DCC: variants seen among roughly 807,000 people sequenced by gnomAD.
DCC encodes the protein DCC netrin 1 receptor.
Under a neutral mutation model 172.5 loss-of-function variants are expected in DCC, and 58 were observed. The observed-to-expected ratio is 0.34, with a 90% CI of 0.27 to 0.42. DCC has a LOEUF of 0.42. Ranked by LOEUF, DCC falls within the 10% of genes least tolerant of loss-of-function variation. The pLI is 1.00. For missense variants in DCC, 1,740 were observed against 1,791.0 expected, an observed-to-expected ratio of 0.97 and a Z score of 0.51; for synonymous variants, 709 against 644.5, an observed-to-expected ratio of 1.10 and a Z score of -1.52.
At chr18:53,176,860 C>T in intron 8 of DCC, among the ~76,000 whole-genome samples, 1 of 151,690 alleles carries the variant, frequency 6.6e-6, no homozygotes, top group East Asian at 1.9e-4. Context: ...AATCATTCTG[C>T]TATAAAGACA....
chr18:52,345,114 G>A (rs1361421036), intron 1 of DCC, among the ~76,000 whole-genome samples: 1 of 152,132 alleles, frequency 6.6e-6, no homozygotes, highest in Non-Finnish European at 1.5e-5. Context: ...TTGCTACCCA[G>A]CTATACATTT....
intron 1 of DCC, among the ~76,000 whole-genome samples, chr18:52,386,760 TG>T (rs1192850273): frequency 6.6e-6 from 1 of 152,100 alleles, no homozygotes; most frequent in African/African-American, 2.4e-5. Context: ...GGTGCTGTTT[TG>T]TTTCCCATAT....
intron 15 of DCC, among the ~76,000 whole-genome samples, chr18:53,358,998 G>A (rs1051626652): frequency 1.3e-5 from 2 of 152,216 alleles, no homozygotes; most frequent in Non-Finnish European, 2.9e-5. Context: ...GAAATGTTGG[G>A]TGGAGAATTT....
chr18:53,505,025 C>G (rs2046154210), intron 27 of DCC, among the ~76,000 whole-genome samples: 1 of 152,068 alleles, frequency 6.6e-6, no homozygotes, highest in Admixed American at 6.5e-5. Flanking sequence ...TTTTCCCCCC[C>G]TAAAAGGGGT....
At chr18:53,367,285 T>C (rs948802579) in intron 15 of DCC, among the ~76,000 whole-genome samples, 2 of 152,006 alleles carry the variant, frequency 1.3e-5, no homozygotes, top group East Asian at 3.9e-4. Context: ...AAAATGAGTA[T>C]AGCCCTCTCA....
At chr18:53,369,093 TAA>T (rs2058034125) in intron 15 of DCC, among the ~76,000 whole-genome samples, 1 of 152,014 alleles carries the variant, frequency 6.6e-6, no homozygotes, top group Non-Finnish European at 1.5e-5. Flanking sequence ...TCTATATATT[TAA>T]AGTCTTTAAT....
chr18:52,428,672 A>G (rs993407047), intron 1 of DCC, among the ~76,000 whole-genome samples: 1 of 152,140 alleles, frequency 6.6e-6, no homozygotes, highest in Non-Finnish European at 1.5e-5. Flanking sequence ...TAAACTTGGT[A>G]CTAGGCATTT....
intron 1 of DCC, among the ~76,000 whole-genome samples, chr18:52,605,252 T>A (rs530182187): frequency 1.3e-5 from 2 of 152,256 alleles, no homozygotes; most frequent in East Asian, 3.9e-4. Context: ...GTTCTTAATA[T>A]AATATTTTTA....
At position 52,540,597 on chromosome 18, in the gene DCC, C is replaced by CTTTTTTTTTTT. The variant is rs71175505; in HGVS notation, c.91+199736_91+199746dup. ...ACTACCGTTAGGTGTATTCAACTGC[C>CTTTTTTTTTTT]TTTTTTTTTTTTTTTTTTTTTTTTT... On this transcript the variant is annotated intron_variant, in intron 1 of 28. Coordinates refer to ENST00000442544, the MANE Select transcript of DCC (RefSeq NM_005215.4). Among the ~76,000 whole-genome samples, 6 of 67,488 alleles carry CTTTTTTTTTTT rather than the reference C, an allele frequency of 8.9e-5. 2 individuals are homozygous for CTTTTTTTTTTT. Among genetic ancestry groups the CTTTTTTTTTTT allele is most frequent in the African/African-American group, 2.7e-4 (4 of 14,660 alleles). 44.3% of individuals were successfully genotyped at this position (67,488 alleles called of 152,430 possible). A position where few individuals can be genotyped will look rare whatever the true frequency, so the allele number is the denominator to read the frequency against.
intron 1 of DCC, among the ~76,000 whole-genome samples, chr18:52,358,336 G>T (rs552657241): frequency 6.6e-6 from 1 of 152,270 alleles, no homozygotes; most frequent in South Asian, 2.1e-4. Context: ...TGAGCTCAGG[G>T]GATGATCTGG....
intron 1 of DCC, among the ~76,000 whole-genome samples, chr18:52,683,171 T>C (rs2035776431): frequency 6.6e-6 from 1 of 152,076 alleles, no homozygotes; most frequent in Admixed American, 6.6e-5. Context: ...CAAGTCTTTG[T>C]CTGTTTGACC....
At chr18:53,057,986 C>G (rs1599079848) in intron 5 of DCC, among the ~76,000 whole-genome samples, 1 of 151,952 alleles carries the variant, frequency 6.6e-6, no homozygotes, top group Non-Finnish European at 1.5e-5. Flanking sequence ...AAGCTACTCT[C>G]AGCTTCATGG....
chr18:52,501,908 C>T (rs16955094), intron 1 of DCC, among the ~76,000 whole-genome samples: 8,708 of 152,196 alleles, frequency 0.057, 305 homozygotes, highest in South Asian at 0.12. Flanking sequence ...CCTGATTACA[C>T]GGATAGTGCA....
At position 53,088,834 on chromosome 18, in the gene DCC, T is replaced by C. The variant is rs141133096; in HGVS notation, c.1261+22668T>C. Among the ~76,000 whole-genome samples, 4 of 152,336 alleles carry C rather than the reference T, an allele frequency of 2.6e-5. No homozygotes were observed. The East Asian group carries it at 7.7e-4, about 29-fold the overall frequency. ...TGTTACATTTAAGTTAGCTTTCTTA[T>C]TAACAAAGTTAATGATCATATAGTT... On this transcript the variant is annotated intron_variant, in intron 7 of 28. Transcript: ENST00000442544.
chr18:52,454,495 T>A (rs1988400296), intron 1 of DCC, among the ~76,000 whole-genome samples: 1 of 152,126 alleles, frequency 6.6e-6, no homozygotes, highest in Non-Finnish European at 1.5e-5. Context: ...AACTAGTTTT[T>A]TTTTTGTATG....
intron 5 of DCC, among the ~76,000 whole-genome samples, chr18:53,058,676 G>A (rs771642904): frequency 1.7e-4 from 26 of 152,130 alleles, no homozygotes; most frequent in Non-Finnish European, 2.9e-4. Flanking sequence ...GCAGAATAGT[G>A]TAATCATCAA....
At chr18:52,948,803 C>A (rs1342536666) in intron 5 of DCC, among the ~76,000 whole-genome samples, 4 of 152,128 alleles carry the variant, frequency 2.6e-5, no homozygotes, top group African/African-American at 9.7e-5. Flanking sequence ...ATATCATTTC[C>A]TTTAATCCTC....
At chr18:53,149,022 C>T (rs1452911110) in intron 7 of DCC, among the ~76,000 whole-genome samples, 2 of 151,914 alleles carry the variant, frequency 1.3e-5, no homozygotes, top group Non-Finnish European at 2.9e-5. Context: ...CCCACCACAC[C>T]CGGCTAGTTT....
chr18:53,216,458 A>G (rs776629335), intron 12 of DCC, among the ~76,000 whole-genome samples: 5 of 152,188 alleles, frequency 3.3e-5, no homozygotes, highest in East Asian at 3.8e-4. Flanking sequence ...TTCTCTTTTC[A>G]TAACTATTTG....
Sources: gnomAD v4.1 joint callset for allele counts (sites outside exome capture counted in the v4.1 genomes callset) on GRCh38, gnomAD v4.1.1 for gene constraint, MANE v1.5 for transcripts, NCBI Gene and HGNC (gene_info 2026-07-23, HGNC 2026-07-21) for gene names.